CALR3: variants seen among roughly 807,000 people sequenced by gnomAD.
CALR3 encodes calreticulin-3.
Under a neutral mutation model 48.7 loss-of-function variants are expected in CALR3, and 39 were observed. That is an observed-to-expected ratio of 0.80 (90% CI 0.62 to 1.05). CALR3 has a LOEUF of 1.05. Among genes scored for constraint, CALR3 ranks in the 50% least tolerant of loss-of-function variants. The probability of loss-of-function intolerance (pLI) is 0.00; values close to 1 mark genes in which losing one functional copy is unlikely to be tolerated. For synonymous variants in CALR3, 185 were observed against 172.7 expected (o/e 1.07, Z -0.56); for missense variants, 449 against 474.7 (o/e 0.95, Z 0.50).
At chr19:16,482,926 C>A in intron 5 of CALR3, 141 bp from the exon 6 acceptor site, 1 of 778,964 alleles carries the variant, frequency 1.3e-6, no homozygotes, top group Non-Finnish European at 2.2e-6. Context: ...CTCACTGCAG[C>A]CTCAACCTCT....
At chr19:16,494,988 A>G (rs1235681292) in intron 2 of CALR3, among the ~76,000 whole-genome samples, 4 of 151,984 alleles carry the variant, frequency 2.6e-5, no homozygotes, top group African/African-American at 9.7e-5. Flanking sequence ...TAATCCCAGC[A>G]CTTTAGGAGG....
rs2093383335 is a variant in CALR3 at position 16,482,882 on chromosome 19, T to C, written c.679-97A>G. 4 of 1,178,680 alleles carry C rather than the reference T, an allele frequency of 3.4e-6. No individual in the cohort carries two copies. In the Admixed American group the frequency reaches 7.9e-5, roughly 23 times the overall value. The allele number at this position is 1,178,680 out of a possible 1,614,324, so 73.0% of individuals were successfully genotyped here. A position where few individuals can be genotyped will look rare whatever the true frequency, so the allele number is the denominator to read the frequency against. On this transcript the variant is annotated intron_variant, in intron 5 of 8. Transcript: ENST00000269881. ...TGTTTCTTGAGACTAGGTTTTGCTC[T>C]CACCCAGGCTGGAGTGCGGTTGTGC... is the stretch of plus-strand genomic sequence containing the variant.
chr19:16,493,881 C>T (rs1186793233), intron 2 of CALR3, among the ~76,000 whole-genome samples: 1 of 151,826 alleles, frequency 6.6e-6, no homozygotes, highest in Non-Finnish European at 1.5e-5. Context: ...ATGTGTGCCA[C>T]CATGCCCAGC....
intron 2 of CALR3, 151 bp downstream of exon 2, chr19:16,495,600 C>T: frequency 2.2e-6 from 1 of 446,136 alleles, no homozygotes; most frequent in South Asian, 2.5e-5. Flanking sequence ...AACAAAAAAA[C>T]AAGGAAAGGA....
At chr19:16,479,840 C>G (rs1056803279) in intron 8 of CALR3, among the ~76,000 whole-genome samples, 1 of 152,074 alleles carries the variant, frequency 6.6e-6, no homozygotes, top group African/African-American at 2.4e-5. Context: ...CATGTCAGTA[C>G]TCAGGCAGAC....
intron 4 of CALR3, among the ~76,000 whole-genome samples, chr19:16,484,454 G>A (rs1009292171): frequency 4.6e-5 from 7 of 151,978 alleles, no homozygotes; most frequent in African/African-American, 1.7e-4. Context: ...TGGGATTACA[G>A]GCATGAGCCA....
intron 2 of CALR3, among the ~76,000 whole-genome samples, chr19:16,492,785 C>T (rs1199131039): frequency 6.6e-6 from 1 of 151,460 alleles, no homozygotes; most frequent in Non-Finnish European, 1.5e-5. Flanking sequence ...TGGCGTGAAC[C>T]CAGGAGGCAG....
intron 4 of CALR3, among the ~76,000 whole-genome samples, chr19:16,484,397 G>A (rs918533406): frequency 3.3e-5 from 5 of 151,868 alleles, no homozygotes; most frequent in South Asian, 2.1e-4. Context: ...GGCTGGTCTC[G>A]AACTCCTGAC....
chr19:16,495,982 T>C, intron 1 of CALR3, 57 bp downstream of exon 1: 1 of 1,567,178 alleles, frequency 6.4e-7, no homozygotes, highest in Non-Finnish European at 8.7e-7. Context: ...TGGCCAGCCT[T>C]AGGGGGCGGA....
intron 2 of CALR3, 119 bp from the exon 3 acceptor site, chr19:16,490,689 T>A: frequency 2.3e-6 from 2 of 882,550 alleles, no homozygotes; most frequent in Non-Finnish European, 3.8e-6. Context: ...TTTACAGTGA[T>A]CTACAGTGCC....
chr19:16,492,681 C>T (rs1356236313), intron 2 of CALR3, among the ~76,000 whole-genome samples: 4 of 151,284 alleles, frequency 2.6e-5, no homozygotes, highest in South Asian at 2.1e-4. Flanking sequence ...CTGGCTAACA[C>T]GTGAAACCCT....
intron 2 of CALR3, among the ~76,000 whole-genome samples, chr19:16,495,476 T>G (rs1174872539): frequency 6.7e-6 from 1 of 149,226 alleles, no homozygotes; most frequent in Non-Finnish European, 1.5e-5. Flanking sequence ...GGAGAATTGC[T>G]TGAACCCGGG....
intron 2 of CALR3, among the ~76,000 whole-genome samples, 160 bp from the exon 3 acceptor site, chr19:16,490,730 G>A (rs1344428603): frequency 2.6e-5 from 4 of 151,482 alleles, no homozygotes; most frequent in African/African-American, 9.7e-5. Context: ...TGCATAATGG[G>A]TAGACCACTA....
At chr19:16,495,579 A>T (rs76350569) in intron 2 of CALR3, among the ~76,000 whole-genome samples, 172 bp downstream of exon 2, 1 of 144,418 alleles carries the variant, frequency 6.9e-6, no homozygotes, top group South Asian at 2.2e-4. Flanking sequence ...AAAAAAAAAA[A>T]GGAGAGAAGA....
chr19:16,484,161 C>CTTT, intron 4 of CALR3, 46 bp from the exon 5 acceptor site: 1 of 1,064,896 alleles, frequency 9.4e-7, no homozygotes, highest in Non-Finnish European at 1.3e-6. Context: ...TCCTCAATTT[C>CTTT]TTTTTTCTTT....
Position 16,482,680 on chromosome 19 carries a change from G to C in CALR3, c.784C>G (p.Gln262Glu). ...CATCATACAAAGAGGCCACACACCT[G>C]GTACGGGGGCTTCTGGAGCATCGGC... The part of the protein sequence containing the change: ...PAPMLQKPPY[Q>E]DGLKPEGIHK... The change falls in exon 6 of 9, where the codon CAG (glutamine) becomes GAG (glutamate). Residue 262 changes from glutamine to glutamate, a missense_variant and splice_region_variant. Gln to Glu is a conservative substitution (Grantham distance 29). Transcript: ENST00000269881. 6.2e-7 allele frequency: 1 copy of C among 1,614,182 alleles called. No individual in the cohort carries two copies. Among genetic ancestry groups the C allele is most frequent in the Non-Finnish European group, 8.5e-7 (1 of 1,180,034 alleles).
intron 3 of CALR3, 24 bp downstream of exon 3, chr19:16,490,343 T>G (rs3810196): frequency 6.2e-7 from 1 of 1,607,482 alleles, no homozygotes; most frequent in East Asian, 2.2e-5. Flanking sequence ...CTAGAAGTGG[T>G]TGTGTTGCAC....
At chr19:16,483,005 T>C (rs1354125318) in intron 5 of CALR3, among the ~76,000 whole-genome samples, 2 of 151,978 alleles carry the variant, frequency 1.3e-5, no homozygotes, top group Non-Finnish European at 2.9e-5. Context: ...CCATCATACC[T>C]GGCTACTATT....
rs372889302 is a variant in CALR3 at position 16,483,960 on chromosome 19, A to G, written c.648T>C (p.Asp216=). 11 of 1,613,828 alleles carry G rather than the reference A, an allele frequency of 6.8e-6. No homozygotes were observed. Among genetic ancestry groups the G allele is most frequent in the Non-Finnish European group, 9.3e-6 (11 of 1,180,022 alleles). The change falls in exon 5 of 9, where the codon GAT becomes GAC. Residue 216 remains aspartate (D), a synonymous_variant. Coordinates refer to ENST00000269881, the MANE Select transcript of CALR3 (RefSeq NM_145046.5). ...KKETSPAESK[D]WEQTKDNKAQ... is the part of the protein sequence containing the mutation. ...CTTTGTTGTCTTTAGTCTGTTCCCA[A>G]TCCTTCGATTCTGCCGGGGACGTTT...
Sources: allele counts gnomAD v4.1 joint callset (sites outside exome capture counted in the v4.1 genomes callset), GRCh38; gene constraint gnomAD v4.1.1; transcripts MANE v1.5; gene names NCBI Gene and HGNC (gene_info 2026-07-23, HGNC 2026-07-21).